The following CLINT1 variants were observed in gnomAD, a reference collection of about 807,000 sequenced individuals.
CLINT1 encodes the protein clathrin interacting protein localized in the trans-Golgi region.
Under a neutral mutation model 70.4 loss-of-function variants are expected in CLINT1, and 15 were observed. That is an observed-to-expected ratio of 0.21 (90% CI 0.14 to 0.33). The LOEUF (loss-of-function observed/expected upper bound fraction) is 0.33. Ranked by LOEUF, CLINT1 falls within the 10% of genes least tolerant of loss-of-function variation. The pLI is 1.00. For missense variants in CLINT1, 615 were observed against 778.1 expected, an observed-to-expected ratio of 0.79 and a Z score of 2.49; for synonymous variants, 227 against 254.7, an observed-to-expected ratio of 0.89 and a Z score of 1.04.
intron 7 of CLINT1, among the ~76,000 whole-genome samples, chr5:157,805,412 G>A (rs1039135220): frequency 2.0e-5 from 3 of 152,204 alleles, no homozygotes; most frequent in Admixed American, 2.0e-4. Flanking sequence ...ATACTGATCA[G>A]TAATGACTGT....
chr5:157,828,943 A>AG (rs1763128638), intron 1 of CLINT1, among the ~76,000 whole-genome samples: 1 of 151,376 alleles, frequency 6.6e-6, no homozygotes, highest in Admixed American at 6.6e-5. Context: ...AAAAAAAAAA[A>AG]AAAAAAAAAT....
intron 1 of CLINT1, among the ~76,000 whole-genome samples, chr5:157,858,096 A>G (rs1028826350): frequency 4.6e-5 from 7 of 152,222 alleles, no homozygotes; most frequent in Non-Finnish European, 1.0e-4. Context: ...GTAAGAGACT[A>G]AAGTTATTTC....
chr5:157,827,136 A>T (rs902568871), intron 1 of CLINT1, among the ~76,000 whole-genome samples: 12 of 151,990 alleles, frequency 7.9e-5, no homozygotes, highest in Non-Finnish European at 7.4e-5. Flanking sequence ...AAATCTTAAA[A>T]TTTTTTTTCC....
chr5:157,810,002 AT>A (rs968428766), intron 5 of CLINT1, among the ~76,000 whole-genome samples, 197 bp from the exon 6 acceptor site: 1 of 152,216 alleles, frequency 6.6e-6, no homozygotes, highest in Non-Finnish European at 1.5e-5. Context: ...AGGAATGCAG[AT>A]TCAAAAGCTT....
At chr5:157,840,186 C>G (rs1407949178) in intron 1 of CLINT1, among the ~76,000 whole-genome samples, 1 of 100,256 alleles carries the variant, frequency 1.0e-5, no homozygotes, top group Non-Finnish European at 1.9e-5. Context: ...CAGCGTGAGA[C>G]TGCCTCAAAA....
rs764416988 is a variant in CLINT1 at position 157,789,397 on chromosome 5, C to A, written c.1497G>T (p.Gln499His). 13 of 1,613,782 alleles carry A rather than the reference C, an allele frequency of 8.1e-6. No individual in the cohort carries two copies. Among genetic ancestry groups the A allele is most frequent in the Non-Finnish European group, 1.1e-5 (13 of 1,179,866 alleles). The change falls in exon 11 of 12, where the codon CAG becomes CAT. Residue 499 changes from glutamine to histidine, a missense_variant. By Grantham distance (24) the Gln-to-His change is conservative. This residue lies in a region of CLINT1 where 374 missense variants were observed against 409.6 expected (regional missense o/e 0.91). Coordinates refer to ENST00000411809, the MANE Select transcript of CLINT1 (RefSeq NM_014666.4). ...LLPGMQPSKP[Q>H]QPSLNTMIQQ... ...GAATCATTGTATTCAGTGATGGCTG[C>A]TGGGGTTTGGAAGGCTGCATACCAG...
intron 5 of CLINT1, among the ~76,000 whole-genome samples, chr5:157,811,862 A>T (rs1318317509): frequency 6.6e-6 from 1 of 152,212 alleles, no homozygotes. Flanking sequence ...AAAAACCTGA[A>T]GAATAAAGTT....
At chr5:157,814,035 T>C (rs949067212) in intron 4 of CLINT1, 150 bp downstream of exon 4, 2 of 618,456 alleles carry the variant, frequency 3.2e-6, no homozygotes, top group South Asian at 1.9e-5. Flanking sequence ...TAATTAATAC[T>C]CTAGGGCCCC....
chr5:157,823,939 G>A (rs898846521), intron 1 of CLINT1, among the ~76,000 whole-genome samples: 5 of 152,096 alleles, frequency 3.3e-5, no homozygotes, highest in Non-Finnish European at 7.3e-5. Flanking sequence ...CCTAGGCTGT[G>A]TACTCCTTAT....
chr5:157,822,182 TAGTG>T (rs1272349389), intron 1 of CLINT1, among the ~76,000 whole-genome samples: 4 of 152,028 alleles, frequency 2.6e-5, no homozygotes, highest in East Asian at 1.9e-4. Flanking sequence ...GTTCTAGTGG[TAGTG>T]AGTAAGTCTC....
chr5:157,850,967 T>A (rs1753552481), intron 1 of CLINT1, among the ~76,000 whole-genome samples: 1 of 152,062 alleles, frequency 6.6e-6, no homozygotes, highest in South Asian at 2.1e-4. Flanking sequence ...GCTAATTTTT[T>A]AATTTTTTTG....
At chr5:157,828,537 T>C (rs772234769) in intron 1 of CLINT1, among the ~76,000 whole-genome samples, 4 of 152,022 alleles carry the variant, frequency 2.6e-5, no homozygotes, top group Admixed American at 1.3e-4. Context: ...AAAAAAACCA[T>C]ATGAAAACAG....
rs2113119703 is a variant in CLINT1 at position 157,789,348 on chromosome 5, C to G, written c.1531+15G>C. On this transcript the variant is annotated intron_variant, in intron 11 of 11. Coordinates refer to ENST00000411809, the MANE Select transcript of CLINT1 (RefSeq NM_014666.4). ...GCAAGTACACAAAGAAGTGGGACGT[C>G]TTAAGGTAACTTACTCTGTTGCTGA... The G allele has an allele frequency of 6.2e-7, 1 of 1,612,532 alleles. No individual in the cohort carries two copies. The highest frequency in any genetic ancestry group is 8.5e-7 in the Non-Finnish European group (1 of 1,178,582).
intron 1 of CLINT1, among the ~76,000 whole-genome samples, chr5:157,847,372 G>A (rs567117317): frequency 2.0e-5 from 3 of 152,072 alleles, no homozygotes; most frequent in Non-Finnish European, 4.4e-5. Context: ...TTAGCCAGGC[G>A]TGGTGGTGGG....
chr5:157,789,145 C>A (rs1339182569), intron 11 of CLINT1, among the ~76,000 whole-genome samples: 1 of 151,878 alleles, frequency 6.6e-6, no homozygotes, highest in Non-Finnish European at 1.5e-5. Context: ...CTCCACAATA[C>A]AATAAATGTT....
chr5:157,820,847 C>T (rs1762861495), intron 1 of CLINT1, among the ~76,000 whole-genome samples: 1 of 152,138 alleles, frequency 6.6e-6, no homozygotes, highest in African/African-American at 2.4e-5. Flanking sequence ...CTAGAGGGGG[C>T]ACTCTCAACG....
chr5:157,842,939 G>T (rs1045539988), intron 1 of CLINT1, among the ~76,000 whole-genome samples: 3 of 152,070 alleles, frequency 2.0e-5, no homozygotes, highest in Non-Finnish European at 4.4e-5. Flanking sequence ...AAAGTTAATC[G>T]ATTTTGTTTT....
At chr5:157,837,435 CACACAT>C (rs1763461972) in intron 1 of CLINT1, among the ~76,000 whole-genome samples, 2 of 151,820 alleles carry the variant, frequency 1.3e-5, no homozygotes, top group Non-Finnish European at 2.9e-5. Context: ...CACACACACA[CACACAT>C]ACTGTAACTC....
At chr5:157,837,019 C>G (rs1386590963) in intron 1 of CLINT1, among the ~76,000 whole-genome samples, 1 of 152,176 alleles carries the variant, frequency 6.6e-6, no homozygotes, top group Non-Finnish European at 1.5e-5. Flanking sequence ...CCTGTGGCTT[C>G]CTGTTACTTC....
Sources: gnomAD v4.1 joint callset for allele counts (sites outside exome capture counted in the v4.1 genomes callset) on GRCh38, gnomAD v4.1.1 for gene constraint, gnomAD v4.1.1 regional missense constraint, MANE v1.5 for transcripts, NCBI Gene and HGNC (gene_info 2026-07-23, HGNC 2026-07-21) for gene names.